The following NELL1 variants were observed in gnomAD, a reference collection of about 807,000 sequenced individuals.
The protein encoded by NELL1 is neural EGFL like 1.
A neutral mutation model predicts 107.4 loss-of-function variants in NELL1; 76 were observed. The ratio of observed to expected loss-of-function variants is 0.71; its 90% CI spans 0.59 to 0.86. The LOEUF is 0.86. Among genes scored for constraint, NELL1 ranks in the 40% least tolerant of loss-of-function variants. The pLI is 0.00. For synonymous variants in NELL1, 353 were observed against 341.2 expected (o/e 1.03, Z -0.38); for missense variants, 1,024 against 1,005.5 (o/e 1.02, Z -0.25).
chr11:21,502,515 C>A (rs1855168546), intron 15 of NELL1, among the ~76,000 whole-genome samples: 1 of 152,208 alleles, frequency 6.6e-6, no homozygotes, highest in Non-Finnish European at 1.5e-5. Context: ...GGAAGCTAAG[C>A]GCTCTAGGTA....
At chr11:21,008,235 T>C (rs7124047) in intron 12 of NELL1, among the ~76,000 whole-genome samples, 248 of 152,282 alleles carry the variant, frequency 1.6e-3, no homozygotes, top group African/African-American at 4.6e-3. Flanking sequence ...ACCTACTTCA[T>C]TGAAAATATT....
intron 13 of NELL1, among the ~76,000 whole-genome samples, chr11:21,114,892 T>C (rs1158884674): frequency 6.6e-6 from 1 of 152,072 alleles, no homozygotes; most frequent in Admixed American, 6.6e-5. Context: ...TTACAGGGCC[T>C]ATCAATCTGT....
At chr11:21,428,901 A>G (rs150267007) in intron 15 of NELL1, among the ~76,000 whole-genome samples, 1 of 152,206 alleles carries the variant, frequency 6.6e-6, no homozygotes, top group African/African-American at 2.4e-5. Context: ...TGGATAATCT[A>G]AGAATTATCA....
intron 15 of NELL1, among the ~76,000 whole-genome samples, chr11:21,456,747 C>G (rs1035994797): frequency 5.9e-5 from 9 of 151,988 alleles, no homozygotes; most frequent in Non-Finnish European, 1.3e-4. Context: ...GGGCTTGTAG[C>G]AGAAATGTTG....
rs777360347 is a variant in NELL1, at chr11:20,919,237, AT to A, written c.677-11del. 2 of 1,488,172 alleles carry A rather than the reference AT, an allele frequency of 1.3e-6. No individual in the cohort carries two copies. Among genetic ancestry groups the A allele is most frequent in the South Asian group, 2.4e-5 (2 of 83,254 alleles). 92.2% of individuals were successfully genotyped at this position (1,488,172 alleles called of 1,614,324 possible). A position where few individuals can be genotyped will look rare whatever the true frequency, so the allele number is the denominator to read the frequency against. On this transcript the variant is annotated splice_polypyrimidine_tract_variant and intron_variant, in intron 6 of 19. Transcript: ENST00000357134. ...CACAATATAAATATATATGTTTTATATTTTCTTTATTGAGCTTGCCCAACCT... is the reference window on the plus strand; with the variant it reads ...CACAATATAAATATATATGTTTTATATTTCTTTATTGAGCTTGCCCAACCT...
chr11:21,204,349 T>A (rs1209561808), intron 13 of NELL1, among the ~76,000 whole-genome samples: 2 of 151,958 alleles, frequency 1.3e-5, no homozygotes, highest in Non-Finnish European at 2.9e-5. Flanking sequence ...CACGCTTTAT[T>A]TCATTAAGTT....
intron 14 of NELL1, among the ~76,000 whole-genome samples, chr11:21,294,455 C>T (rs1450624036): frequency 6.6e-6 from 1 of 151,996 alleles, no homozygotes; most frequent in African/African-American, 2.4e-5. Context: ...CTTGTATTAC[C>T]CAGCACAGTG....
At chr11:21,394,599 C>CA (rs1026658468) in intron 15 of NELL1, among the ~76,000 whole-genome samples, 15 of 150,226 alleles carry the variant, frequency 1.0e-4, no homozygotes, top group African/African-American at 2.4e-4. Flanking sequence ...CTACAGTTTC[C>CA]AAAAAAAACA....
rs114812060 is a variant in NELL1, at chr11:21,033,096, A to C, written c.1300+72536A>C. Among the ~76,000 whole-genome samples, 575 of 152,186 alleles carry C rather than the reference A, an allele frequency of 3.8e-3. 3 individuals carry two copies. The highest frequency in any genetic ancestry group is 0.013 in the African/African-American group (537 of 41,524). On this transcript the variant is annotated intron_variant, in intron 12 of 19. Transcript: ENST00000357134. The stretch of plus-strand genomic sequence containing the variant: ...GAAGTCTGCTAATGTGGACCTTGAT[A>C]TTCCTTTGTAGATGATGCTTTTTAC...
intron 13 of NELL1, among the ~76,000 whole-genome samples, chr11:21,194,556 G>C (rs1857112994): frequency 6.6e-6 from 1 of 152,012 alleles, no homozygotes; most frequent in Non-Finnish European, 1.5e-5. Flanking sequence ...AGAAGACTGG[G>C]GTGCTAGTCC....
intron 13 of NELL1, among the ~76,000 whole-genome samples, chr11:21,169,315 G>C (rs1311937778): frequency 6.6e-6 from 1 of 151,804 alleles, no homozygotes; most frequent in Non-Finnish European, 1.5e-5. Flanking sequence ...CCATGTTTCA[G>C]TATAAAATAA....
intron 12 of NELL1, among the ~76,000 whole-genome samples, chr11:21,025,745 G>A (rs980000667): frequency 1.3e-5 from 2 of 152,088 alleles, no homozygotes; most frequent in Non-Finnish European, 2.9e-5. Context: ...AGCCTAGACT[G>A]ATATTTTACT....
At chr11:21,319,920 C>A (rs562918358) in intron 14 of NELL1, among the ~76,000 whole-genome samples, 10 of 152,048 alleles carry the variant, frequency 6.6e-5, no homozygotes, top group African/African-American at 2.2e-4. Flanking sequence ...AGGACTGTAC[C>A]TTTTTATTTG....
intron 15 of NELL1, among the ~76,000 whole-genome samples, chr11:21,414,337 C>G (rs1852451179): frequency 6.6e-6 from 1 of 151,972 alleles, no homozygotes; most frequent in Non-Finnish European, 1.5e-5. Flanking sequence ...CTTTTTTATT[C>G]AAACATACAC....
chr11:20,737,820 T>C (rs1855796640), intron 2 of NELL1, among the ~76,000 whole-genome samples: 1 of 151,674 alleles, frequency 6.6e-6, no homozygotes, highest in South Asian at 2.1e-4. Flanking sequence ...AGTACAAAAA[T>C]TTAAAGTGGA....
chr11:21,532,074 C>T (rs117653899), intron 15 of NELL1, among the ~76,000 whole-genome samples: 1,847 of 152,264 alleles, frequency 0.012, 41 homozygotes, highest in East Asian at 0.077. Context: ...AATGTACAGC[C>T]TAGGCACCAG....
At chr11:20,968,186 C>G (rs1317084140) in intron 12 of NELL1, among the ~76,000 whole-genome samples, 1 of 152,122 alleles carries the variant, frequency 6.6e-6, no homozygotes, top group African/African-American at 2.4e-5. Context: ...AGCACTTATT[C>G]TTTGAAATTG....
chr11:21,359,652 T>TA (rs1205012744), intron 14 of NELL1, among the ~76,000 whole-genome samples: 1 of 152,174 alleles, frequency 6.6e-6, no homozygotes, highest in Non-Finnish European at 1.5e-5. Context: ...TTGGCAATTT[T>TA]AAAATTACTG....
intron 15 of NELL1, among the ~76,000 whole-genome samples, chr11:21,517,543 G>A (rs934009023): frequency 8.6e-5 from 13 of 152,026 alleles, no homozygotes; most frequent in East Asian, 3.9e-4. Flanking sequence ...TGTAATCTTC[G>A]GAATGTATGA....
Sources: allele counts gnomAD v4.1 joint callset (sites outside exome capture counted in the v4.1 genomes callset), GRCh38; gene constraint gnomAD v4.1.1; transcripts MANE v1.5; gene names NCBI Gene and HGNC (gene_info 2026-07-23, HGNC 2026-07-21).